IFRD1: variants seen among roughly 807,000 people sequenced by gnomAD.
The protein encoded by IFRD1 is interferon-related developmental regulator 1.
A neutral mutation model predicts 52.9 loss-of-function variants in IFRD1; 35 were observed. The ratio of observed to expected loss-of-function variants is 0.66; its 90% CI spans 0.51 to 0.88. The LOEUF (loss-of-function observed/expected upper bound fraction) is 0.88. IFRD1 is among the 40% of genes least tolerant of loss of function. The pLI, the probability that IFRD1 is intolerant of heterozygous loss-of-function variation, is 0.00. For synonymous variants in IFRD1, 184 were observed against 188.4 expected (o/e 0.98, Z 0.19); for missense variants, 517 against 550.8 (o/e 0.94, Z 0.61).
intron 9 of IFRD1, among the ~76,000 whole-genome samples, chr7:112,470,429 T>C (rs766169886): frequency 1.3e-5 from 2 of 152,130 alleles, no homozygotes; most frequent in African/African-American, 2.4e-5. Flanking sequence ...CTGAAGTGGA[T>C]TGAAAAGTGA....
intron 4 of IFRD1, chr7:112,457,404 A>C: frequency 3.2e-6 from 1 of 310,476 alleles, no homozygotes; most frequent in South Asian, 6.8e-5. Context: ...CCTGTAAATT[A>C]CATCATTTTC....
chr7:112,461,790 T>G, intron 5 of IFRD1, 76 bp from the exon 6 acceptor site: 1 of 812,700 alleles, frequency 1.2e-6, no homozygotes, highest in Non-Finnish European at 1.9e-6. Flanking sequence ...TCACGTTGAA[T>G]TATAAAAGCA....
chr7:112,424,501 G>A (rs1006548305), intron 1 of IFRD1, among the ~76,000 whole-genome samples: 19 of 151,116 alleles, frequency 1.3e-4, no homozygotes, highest in African/African-American at 4.4e-4. Flanking sequence ...TGCACCCTCC[G>A]CCTCCCAGGT....
chr7:112,462,140 C>T lies in IFRD1; in HGVS notation c.758C>T (p.Thr253Ile), dbSNP rs779101396. The change falls in exon 7 of 12, where the codon ACC becomes ATC. Residue 253 changes from threonine to isoleucine, a missense_variant. Thr to Ile is a moderately conservative substitution (Grantham distance 89). Coordinates refer to ENST00000403825, the MANE Select transcript of IFRD1 (RefSeq NM_001550.4). ...SSLLAWTLLL[T>I]ICPINEVKKK... ...CTTCTTGCATGGACACTACTGCTGA[C>T]CATATGCCCAATCAATGAAGTGAAG... The T allele has an allele frequency of 7.4e-6, 12 of 1,613,776 alleles. No individual in the cohort carries two copies. In the Admixed American group the frequency reaches 1.8e-4, roughly 25 times the overall value.
At chr7:112,470,714 G>A (rs1023540556) in intron 9 of IFRD1, among the ~76,000 whole-genome samples, 1 of 152,130 alleles carries the variant, frequency 6.6e-6, no homozygotes, top group African/African-American at 2.4e-5. Flanking sequence ...GATATAAAAT[G>A]GCATAGTATT....
chr7:112,468,168 A>G (rs923273447), intron 9 of IFRD1, 53 bp downstream of exon 9: 2 of 1,568,232 alleles, frequency 1.3e-6, no homozygotes, highest in Non-Finnish European at 1.8e-6. Context: ...GGATTGTTTC[A>G]GGCTGAACTT....
chr7:112,474,830 T>C (rs938399348), intron 11 of IFRD1, among the ~76,000 whole-genome samples: 1 of 138,712 alleles, frequency 7.2e-6, no homozygotes, highest in African/African-American at 2.6e-5. Flanking sequence ...TTAGTCATGA[T>C]TTGTCTTTTC....
chr7:112,474,695 C>G (rs1483717138), intron 11 of IFRD1, among the ~76,000 whole-genome samples: 2 of 152,266 alleles, frequency 1.3e-5, no homozygotes, highest in South Asian at 4.1e-4. Flanking sequence ...GTAGCTGTTA[C>G]ACAAAGATTT....
chr7:112,423,983 G>A (rs965447506), intron 1 of IFRD1, among the ~76,000 whole-genome samples: 13 of 152,168 alleles, frequency 8.5e-5, no homozygotes, highest in Admixed American at 6.5e-4. Context: ...TAACGAGAGC[G>A]GGATCTGTTA....
chr7:112,458,638 C>T (rs769235110), intron 4 of IFRD1, among the ~76,000 whole-genome samples: 5 of 152,130 alleles, frequency 3.3e-5, no homozygotes, highest in Admixed American at 6.6e-5. Flanking sequence ...AGTAACTAAT[C>T]GATGATCATT....
intron 1 of IFRD1, 120 bp downstream of exon 1, chr7:112,450,902 G>C: frequency 1.3e-6 from 1 of 749,742 alleles, no homozygotes; most frequent in Non-Finnish European, 2.3e-6. Context: ...TTTCCAGGGT[G>C]CGTGGTTTGG....
chr7:112,464,465 C>G (rs566554534), intron 8 of IFRD1, among the ~76,000 whole-genome samples: 1 of 152,244 alleles, frequency 6.6e-6, no homozygotes, highest in Non-Finnish European at 1.5e-5. Context: ...CTTCGGATCT[C>G]TTTCTCTCTT....
chr7:112,472,391 C>G (rs1376048675), intron 10 of IFRD1, 44 bp downstream of exon 10: 2 of 1,608,894 alleles, frequency 1.2e-6, no homozygotes, highest in East Asian at 2.2e-5. Flanking sequence ...AAGTAGGGAG[C>G]AGTCTTGAAT....
intron 3 of IFRD1, 98 bp downstream of exon 3, chr7:112,456,184 C>T: frequency 1.3e-6 from 1 of 769,956 alleles, no homozygotes; most frequent in Non-Finnish European, 2.3e-6. Context: ...AATCAGTTAC[C>T]TTACATGTAT....
chr7:112,453,552 G>C (rs1213329400), intron 1 of IFRD1, among the ~76,000 whole-genome samples: 3 of 152,086 alleles, frequency 2.0e-5, no homozygotes, highest in Admixed American at 2.0e-4. Flanking sequence ...CTTAGAAATA[G>C]GCTATGAAAA....
intron 1 of IFRD1, among the ~76,000 whole-genome samples, chr7:112,433,377 C>A (rs1423088203): frequency 6.6e-6 from 1 of 152,060 alleles, no homozygotes; most frequent in African/African-American, 2.4e-5. Flanking sequence ...CTGGGTGGGG[C>A]CAGAAGACCA....
chr7:112,472,101 T>G, intron 9 of IFRD1, 118 bp from the exon 10 acceptor site: 1 of 1,039,792 alleles, frequency 9.6e-7, no homozygotes, highest in Non-Finnish European at 1.5e-6. Flanking sequence ...CAGTATCAGT[T>G]TAAGCCATAT....
intron 1 of IFRD1, among the ~76,000 whole-genome samples, chr7:112,441,853 C>T (rs1162785536): frequency 6.6e-6 from 1 of 152,114 alleles, no homozygotes; most frequent in African/African-American, 2.4e-5. Context: ...ATATAGTGGA[C>T]ACCTGAGGAA....
chr7:112,442,885 A>C (rs1364183228), intron 1 of IFRD1, among the ~76,000 whole-genome samples: 1 of 152,254 alleles, frequency 6.6e-6, no homozygotes, highest in African/African-American at 2.4e-5. Context: ...GAGTTGTGTG[A>C]GTTCTAGCAC....
Sources: allele counts gnomAD v4.1 joint callset (sites outside exome capture counted in the v4.1 genomes callset), GRCh38; gene constraint gnomAD v4.1.1; transcripts MANE v1.5; gene names NCBI Gene and HGNC (gene_info 2026-07-23, HGNC 2026-07-21).